RLF: variants seen among roughly 807,000 people sequenced by gnomAD.
RLF encodes the protein zinc finger protein Rlf.
In RLF, 7 loss-of-function variants were observed where a neutral mutation model predicts 162.9. That is an observed-to-expected ratio of 0.04 (90% CI 0.02 to 0.08). The LOEUF (loss-of-function observed/expected upper bound fraction) is 0.08. Among genes scored for constraint, RLF ranks in the 10% least tolerant of loss-of-function variants. The pLI, the probability that RLF is intolerant of heterozygous loss-of-function variation, is 1.00. For missense variants in RLF, 1,664 were observed against 2,244.7 expected, an observed-to-expected ratio of 0.74 and a Z score of 5.23; for synonymous variants, 782 against 791.5, an observed-to-expected ratio of 0.99 and a Z score of 0.20.
intron 5 of RLF, among the ~76,000 whole-genome samples, chr1:40,216,823 G>A (rs995178253): frequency 5.3e-5 from 8 of 152,082 alleles, no homozygotes; most frequent in African/African-American, 1.7e-4. Context: ...AGGCAGAGGC[G>A]GGCAGATCAC....
chr1:40,209,721 C>T (rs922043311), intron 5 of RLF, among the ~76,000 whole-genome samples: 6 of 151,818 alleles, frequency 4.0e-5, no homozygotes, highest in Admixed American at 2.0e-4. Context: ...ACTAAAGATA[C>T]AAAAAATTAG....
intron 6 of RLF, among the ~76,000 whole-genome samples, chr1:40,223,611 C>T (rs1490554152): frequency 1.3e-5 from 2 of 152,184 alleles, no homozygotes; most frequent in Non-Finnish European, 2.9e-5. Flanking sequence ...ATTGATCTCC[C>T]TCTGGATCGT....
Position 40,175,208 on chromosome 1 carries a change from G to T in RLF, c.237+13572G>T, listed in dbSNP as rs948875730. 9.7e-5 allele frequency among the ~76,000 whole-genome samples: 14 copies of T among 144,680 alleles called. No individual in the cohort carries two copies. The South Asian group carries it at 1.3e-3, about 13-fold the overall frequency. The allele number at this position is 144,680 out of a possible 152,430, so 94.9% of individuals were successfully genotyped here. A position where few individuals can be genotyped will look rare whatever the true frequency, so the allele number is the denominator to read the frequency against. Reference sequence around the variant, plus strand: ...CTCTGTTCTGTTATGGTGGGGGTGGGGGGGGGAGTTAAATCTAGACCAGAC... The same window carrying T: ...CTCTGTTCTGTTATGGTGGGGGTGGTGGGGGGAGTTAAATCTAGACCAGAC... On this transcript the variant is annotated intron_variant, in intron 1 of 7. Transcript: ENST00000372771.
At position 40,237,726 on chromosome 1, in the gene RLF, G is replaced by A; in HGVS notation, c.3024G>A (p.Leu1008=). ...GNEHNQTTEK[L]DAEPKPCSDT... The stretch of plus-strand genomic sequence containing the variant: ...AACATAATCAGACAACTGAAAAGTT[G>A]GATGCAGAACCTAAACCCTGCTCAG... Residue 1008 remains leucine, a synonymous_variant, in exon 8 of 8, where the codon TTG becomes TTA. Coordinates refer to ENST00000372771, the MANE Select transcript of RLF (RefSeq NM_012421.4). The surrounding 1 kb of genome is among the most constrained non-coding windows in gnomAD (Gnocchi z 4.4). The A allele has an allele frequency of 1.2e-6, 2 of 1,614,026 alleles. No homozygotes were observed. The highest frequency in any genetic ancestry group is 1.7e-6 in the Non-Finnish European group (2 of 1,179,978).
chr1:40,222,103 A>G (rs1643008102), intron 5 of RLF, among the ~76,000 whole-genome samples: 1 of 152,084 alleles, frequency 6.6e-6, no homozygotes, highest in African/African-American at 2.4e-5. Flanking sequence ...AATGATGTTA[A>G]TGTAGCATTT....
Position 40,161,606 on chromosome 1 carries a change from A to G in RLF, c.207A>G (p.Ser69=), listed in dbSNP as rs756078484. 14 of 1,612,806 alleles carry G rather than the reference A, an allele frequency of 8.7e-6. No individual in the cohort carries two copies. The highest frequency in any genetic ancestry group is 1.3e-5 in the African/African-American group (1 of 74,838). The change falls in exon 1 of 8, where the codon TCA becomes TCG. Residue 69 remains serine (S), a synonymous_variant. Coordinates refer to ENST00000372771, the MANE Select transcript of RLF (RefSeq NM_012421.4). This position sits in a 1 kb window ranked among gnomAD's most constrained non-coding sequence, Gnocchi z 4.4. ...ELREQEVSEV[S]SLNYCRSFCQ... ...GGGAGCAAGAGGTGTCGGAGGTCTC[A>G]TCTTTGAACTACTGCCGGAGCTTCT... is the stretch of plus-strand genomic sequence containing the variant.
chr1:40,198,852 T>G (rs1044559768), intron 4 of RLF, among the ~76,000 whole-genome samples: 2 of 152,184 alleles, frequency 1.3e-5, no homozygotes, highest in African/African-American at 4.8e-5. Context: ...GTGAGACATA[T>G]TGTTTTAAAT....
In RLF at chr1:40,231,605, A is replaced by G. The variant is rs967180860; in HGVS notation, c.1036A>G (p.Ile346Val). The change falls in exon 7 of 8, where the codon ATA becomes GTA. Residue 346 changes from isoleucine to valine, a missense_variant. Physicochemically the swap from Ile to Val is conservative, Grantham distance 29. Coordinates refer to ENST00000372771, the MANE Select transcript of RLF (RefSeq NM_012421.4). Reference sequence around the variant, plus strand: ...GGAGCGCTGTCGTCAGTTTGGTGTCATAGCTAAAACGCAGCAGCATTTATT... The same window carrying G: ...GGAGCGCTGTCGTCAGTTTGGTGTCGTAGCTAAAACGCAGCAGCATTTATT... ...FLERCRQFGV[I>V]AKTQQHLFCL... 7 of 1,614,144 alleles carry G rather than the reference A, an allele frequency of 4.3e-6. No individual in the cohort carries two copies. The highest frequency in any genetic ancestry group is 3.3e-5 in the Admixed American group (2 of 60,006).
intron 5 of RLF, among the ~76,000 whole-genome samples, chr1:40,218,861 C>T (rs552964600): frequency 3.3e-5 from 5 of 152,290 alleles, no homozygotes; most frequent in Admixed American, 6.5e-5. Flanking sequence ...AGGGAACTTA[C>T]ATTTTAGTGG....
chr1:40,229,481 G>A (rs1288354960), intron 6 of RLF, among the ~76,000 whole-genome samples: 2 of 117,318 alleles, frequency 1.7e-5, no homozygotes, highest in African/African-American at 6.8e-5. Context: ...TTGAGACAGA[G>A]TCTTGCTGTG....
intron 1 of RLF, among the ~76,000 whole-genome samples, chr1:40,184,636 A>G (rs1296284147): frequency 3.3e-5 from 5 of 152,186 alleles, no homozygotes; most frequent in African/African-American, 1.2e-4. Context: ...TGAGAGAGTA[A>G]TTTGAGGGTA....
At chr1:40,225,368 C>T (rs1643055038) in intron 6 of RLF, among the ~76,000 whole-genome samples, 3 of 151,766 alleles carry the variant, frequency 2.0e-5, no homozygotes, top group African/African-American at 7.3e-5. Context: ...CATTTGAGGT[C>T]AGGAGTTCGA....
In RLF at chr1:40,237,091, A is replaced by C. The variant is rs1478365767; in HGVS notation, c.2389A>C (p.Arg797=). 6.2e-7 allele frequency: 1 copy of C among 1,614,162 alleles called. No homozygotes were observed. Among genetic ancestry groups the C allele is most frequent in the South Asian group, 1.1e-5 (1 of 91,086 alleles). Residue 797 remains arginine, a synonymous_variant, in exon 8 of 8, where the codon AGG becomes CGG. Transcript: ENST00000372771. This position sits in a 1 kb window ranked among gnomAD's most constrained non-coding sequence, Gnocchi z 4.4. ...TTACCACCATGAAGCACAACACTTTAGGGATGCATCTTACACATGCAACTT... is the reference window on the plus strand; with the variant it reads ...TTACCACCATGAAGCACAACACTTTCGGGATGCATCTTACACATGCAACTT... The part of the protein sequence containing the change: ...QLYHHEAQHF[R]DASYTCNFLG...
chr1:40,166,918 G>T (rs1642174219), intron 1 of RLF, among the ~76,000 whole-genome samples: 1 of 151,796 alleles, frequency 6.6e-6, no homozygotes, highest in Admixed American at 6.6e-5. Context: ...ACGAGTTAAT[G>T]GGTACAGCAC....
chr1:40,236,980 C>T lies in RLF; in HGVS notation c.2278C>T (p.Leu760Phe), dbSNP rs762631581. 6.2e-7 allele frequency: 1 copy of T among 1,614,142 alleles called. No individual in the cohort carries two copies. Among genetic ancestry groups the T allele is most frequent in the South Asian group, 1.1e-5 (1 of 91,086 alleles). The change falls in exon 8 of 8, where the codon CTT becomes TTT. Residue 760 changes from leucine to phenylalanine, a missense_variant. Around this residue, in one of 15 missense-constraint regions of RLF, gnomAD observed 69 missense variants for 206.4 expected, o/e 0.33. Transcript: ENST00000372771. The surrounding 1 kb of genome is among the most constrained non-coding windows in gnomAD (Gnocchi z 7.7). ...YARFGSVNEL[L>F]NHKQKHDDLR... ...TAGGTTTGGATCAGTAAATGAACTA[C>T]TTAACCATAAACAAAAGCATGACGA...
intron 1 of RLF, among the ~76,000 whole-genome samples, chr1:40,186,881 A>G (rs1642488410): frequency 6.6e-6 from 1 of 152,292 alleles, no homozygotes; most frequent in Non-Finnish European, 1.5e-5. Context: ...ATGAGACATA[A>G]TGTCTGACTT....
At chr1:40,193,877 T>C (rs1001790428) in intron 3 of RLF, among the ~76,000 whole-genome samples, 25 of 152,196 alleles carry the variant, frequency 1.6e-4, no homozygotes, top group Non-Finnish European at 3.4e-4. Context: ...TATATTCTTA[T>C]GCCTGTGAAC....
intron 6 of RLF, among the ~76,000 whole-genome samples, chr1:40,224,306 C>CTTTT (rs869123049): frequency 1.1e-4 from 14 of 127,950 alleles, no homozygotes; most frequent in African/African-American, 3.4e-4. Flanking sequence ...GCAATTGCAT[C>CTTTT]TTTTTTTTTT....
rs138537133 is a variant in RLF at position 40,228,259 on chromosome 1, C to T, written c.948-3258C>T. Among the ~76,000 whole-genome samples, 1,247 of 150,756 alleles carry T rather than the reference C, an allele frequency of 8.3e-3. 20 individuals carry two copies. The highest frequency in any genetic ancestry group is 0.029 in the African/African-American group (1,188 of 41,034). ...CGAGATCATGCCACTGCATTCGAGC[C>T]TGGGCAACAGAACAAGACTCCATCT... On this transcript the variant is annotated intron_variant, in intron 6 of 7. Transcript: ENST00000372771.
Sources: gnomAD v4.1 joint callset for allele counts (sites outside exome capture counted in the v4.1 genomes callset) on GRCh38, gnomAD v4.1.1 for gene constraint, gnomAD v4.1.1 regional missense constraint, Gnocchi (gnomAD v3.1) non-coding constraint, MANE v1.5 for transcripts, NCBI Gene and HGNC (gene_info 2026-07-23, HGNC 2026-07-21) for gene names.